The following CEMIP variants were observed in gnomAD, a reference collection of about 807,000 sequenced individuals.
The protein encoded by CEMIP is cell migration-inducing and hyaluronan-binding protein.
In CEMIP, 105 loss-of-function variants were observed where a neutral mutation model predicts 156.9. That is an observed-to-expected ratio of 0.67 (90% CI 0.57 to 0.79). The LOEUF (loss-of-function observed/expected upper bound fraction) is 0.79, where lower values mean the gene tolerates loss of function less well. Ranked by LOEUF, CEMIP falls within the 30% of genes least tolerant of loss-of-function variation. The probability of loss-of-function intolerance (pLI) is 0.00; values close to 1 mark genes in which losing one functional copy is unlikely to be tolerated. For missense variants in CEMIP, 1,457 were observed against 1,769.4 expected (o/e 0.82, Z 3.17); for synonymous variants, 676 against 668.4 (o/e 1.01, Z -0.17).
At chr15:80,822,230 G>A (rs1896927086) in intron 1 of CEMIP, among the ~76,000 whole-genome samples, 1 of 152,210 alleles carries the variant, frequency 6.6e-6, no homozygotes, top group South Asian at 2.1e-4. Flanking sequence ...CGAGCCCAGA[G>A]CCTGGTTTTC....
rs969868154 is a variant in CEMIP at position 80,779,764 on chromosome 15, G to A, written c.-176+150G>A. ...TTGTCTGTCCACCCTGTGCTGTGCA[G>A]TCTACCTCTATCTGTCTGTTTGTCC... On this transcript the variant is annotated intron_variant, in intron 1 of 29. Coordinates refer to ENST00000394685, the MANE Select transcript of CEMIP (RefSeq NM_001293298.2). The A allele has an allele frequency of 2.0e-5, 3 of 152,710 alleles. No homozygotes were observed. The South Asian group carries it at 6.2e-4, about 32-fold the overall frequency. 9.5% of individuals were successfully genotyped at this position (152,710 alleles called of 1,614,324 possible). A position where few individuals can be genotyped will look rare whatever the true frequency, so the allele number is the denominator to read the frequency against.
chr15:80,808,537 G>A (rs2759307), intron 1 of CEMIP, among the ~76,000 whole-genome samples: 37,635 of 151,976 alleles, frequency 0.25, 5,890 homozygotes, highest in Non-Finnish European at 0.36. Flanking sequence ...GGATACAGTG[G>A]CATCATCACA....
intron 25 of CEMIP, among the ~76,000 whole-genome samples, chr15:80,940,462 G>C (rs563821995): frequency 1.1e-4 from 16 of 152,342 alleles, no homozygotes; most frequent in African/African-American, 3.4e-4. Flanking sequence ...AGGGAGACGT[G>C]ACCATGGGCA....
intron 18 of CEMIP, among the ~76,000 whole-genome samples, chr15:80,925,345 G>A (rs912842112): frequency 6.6e-6 from 1 of 152,190 alleles, no homozygotes; most frequent in African/African-American, 2.4e-5. Context: ...TGACTTTGTG[G>A]GAATGGCTGT....
chr15:80,814,043 CTT>C (rs778309859), intron 1 of CEMIP, among the ~76,000 whole-genome samples: 295 of 73,718 alleles, frequency 4.0e-3, no homozygotes, highest in Middle Eastern at 0.026. Flanking sequence ...AACTCTTTGG[CTT>C]TTTTTTTTTT....
chr15:80,939,770 A>G (rs1462352750), intron 25 of CEMIP, among the ~76,000 whole-genome samples: 1 of 152,196 alleles, frequency 6.6e-6, no homozygotes, highest in Non-Finnish European at 1.5e-5. Context: ...GAAGGGCTGC[A>G]AACTCTTGGG....
chr15:80,900,643 TGTGTGTCTGTGTGTGTGTCTGTG>T (rs1899473611), intron 12 of CEMIP, among the ~76,000 whole-genome samples: 1 of 129,090 alleles, frequency 7.7e-6, no homozygotes, highest in African/African-American at 2.9e-5. Context: ...TGTGTGTGTG[TGTGTGTCTGTGTGTGTGTCTGTG>T]TGTGTGTGTG....
chr15:80,851,677 C>A (rs1483471211), intron 1 of CEMIP, among the ~76,000 whole-genome samples: 5 of 152,072 alleles, frequency 3.3e-5, no homozygotes, highest in African/African-American at 1.2e-4. Flanking sequence ...AAGGCACAGA[C>A]CATGAGCTCA....
intron 1 of CEMIP, among the ~76,000 whole-genome samples, chr15:80,821,328 G>A (rs1355599489): frequency 1.3e-5 from 2 of 152,214 alleles, no homozygotes; most frequent in Non-Finnish European, 2.9e-5. Context: ...AAGAGAAGCA[G>A]AGGTCAAGTT....
intron 1 of CEMIP, among the ~76,000 whole-genome samples, chr15:80,859,844 T>C (rs2092882150): frequency 6.6e-6 from 1 of 152,230 alleles, no homozygotes; most frequent in Non-Finnish European, 1.5e-5. Flanking sequence ...CTTTCTGCTG[T>C]ACCTCTAGAA....
intron 1 of CEMIP, 21 bp downstream of exon 1, chr15:80,779,635 G>T (rs1895738041): frequency 1.3e-5 from 2 of 152,288 alleles, no homozygotes; most frequent in South Asian, 4.1e-4. Context: ...CTGGCTGGGG[G>T]CGTCAGGGAT....
intron 6 of CEMIP, among the ~76,000 whole-genome samples, chr15:80,881,922 C>T (rs1285791020): frequency 6.6e-6 from 1 of 152,192 alleles, no homozygotes; most frequent in Non-Finnish European, 1.5e-5. Flanking sequence ...GTTTGGAAGG[C>T]AGCATGGGCA....
At chr15:80,817,899 A>C (rs8024455) in intron 1 of CEMIP, among the ~76,000 whole-genome samples, 49,877 of 151,966 alleles carry the variant, frequency 0.33, 8,257 homozygotes, top group South Asian at 0.4. Context: ...ATACATTTCC[A>C]TTTTGGCAAT....
intron 1 of CEMIP, among the ~76,000 whole-genome samples, chr15:80,857,391 GC>G (rs1220169763): frequency 2.0e-5 from 3 of 152,196 alleles, no homozygotes; most frequent in African/African-American, 7.2e-5. Flanking sequence ...GCCCTCTAGG[GC>G]CCCCAGCTCT....
chr15:80,898,819 C>T (rs1352354923), intron 12 of CEMIP, among the ~76,000 whole-genome samples: 1 of 152,222 alleles, frequency 6.6e-6, no homozygotes, highest in Non-Finnish European at 1.5e-5. Context: ...GTGCATGTTG[C>T]ACACTTCCCC....
chr15:80,782,976 T>C (rs1895836368), intron 1 of CEMIP, among the ~76,000 whole-genome samples: 2 of 152,170 alleles, frequency 1.3e-5, no homozygotes, highest in Non-Finnish European at 2.9e-5. Context: ...GGAACTGTCA[T>C]GTAAAGTGGT....
intron 1 of CEMIP, among the ~76,000 whole-genome samples, chr15:80,841,063 C>T (rs1368131366): frequency 6.6e-6 from 1 of 152,186 alleles, no homozygotes; most frequent in Non-Finnish European, 1.5e-5. Context: ...TCATCTTGTC[C>T]TCTGAGGGGT....
intron 1 of CEMIP, among the ~76,000 whole-genome samples, chr15:80,785,902 C>G (rs1336410830): frequency 6.6e-6 from 1 of 152,246 alleles, no homozygotes; most frequent in African/African-American, 2.4e-5. Flanking sequence ...TTGGGCTACA[C>G]TGGGCGCAAG....
chr15:80,850,758 G>A (rs1240488263), intron 1 of CEMIP, among the ~76,000 whole-genome samples: 4 of 152,172 alleles, frequency 2.6e-5, no homozygotes, highest in Admixed American at 2.6e-4. Context: ...AGGTCTGTCA[G>A]CTCACCCCCT....
Sources: gnomAD v4.1 joint callset for allele counts (sites outside exome capture counted in the v4.1 genomes callset) on GRCh38, gnomAD v4.1.1 for gene constraint, MANE v1.5 for transcripts, NCBI Gene and HGNC (gene_info 2026-07-23, HGNC 2026-07-21) for gene names.